RNF217: variants seen among roughly 807,000 people sequenced by gnomAD.
The protein encoded by RNF217 is E3 ubiquitin-protein ligase RNF217.
RNF217 carries 31 observed loss-of-function variants against 57.8 expected under a neutral mutation model. That is an observed-to-expected ratio of 0.54 (90% CI 0.40 to 0.72). The LOEUF (loss-of-function observed/expected upper bound fraction) is 0.72, where lower values mean the gene tolerates loss of function less well. RNF217 is among the 30% of genes least tolerant of loss of function. The pLI, the probability that RNF217 is intolerant of heterozygous loss-of-function variation, is 0.00. For missense variants in RNF217, 696 were observed against 708.3 expected (o/e 0.98, Z 0.20); for synonymous variants, 313 against 294.0 (o/e 1.06, Z -0.66).
At chr6:124,992,475 T>A (rs1048668070) in intron 1 of RNF217, among the ~76,000 whole-genome samples, 1 of 152,204 alleles carries the variant, frequency 6.6e-6, no homozygotes, top group African/African-American at 2.4e-5. Flanking sequence ...ATATTTCTAA[T>A]GCTGTGTAGA....
chr6:125,084,158 A>AT lies in RNF217; in HGVS notation c.*1227dup, dbSNP rs1021865819. ...TAAAAACAAATACTAGTTTTGAAGG[A>AT]TTTTTTCTTACATTTAACTGCTCAA... is the stretch of plus-strand genomic sequence containing the variant. On this transcript the variant is annotated 3_prime_UTR_variant, in exon 6 of 6. Coordinates refer to ENST00000521654, the MANE Select transcript of RNF217 (RefSeq NM_001286398.3). 6.6e-6 allele frequency: 1 copy of AT among 151,832 alleles called. No individual in the cohort carries two copies. Among genetic ancestry groups the AT allele is most frequent in the Non-Finnish European group, 1.5e-5 (1 of 67,896 alleles). The allele number at this position is 151,832 out of a possible 1,614,324, so 9.4% of individuals were successfully genotyped here.
intron 1 of RNF217, among the ~76,000 whole-genome samples, chr6:125,037,077 GA>G (rs537686040): frequency 0.04 from 5,396 of 133,968 alleles, 127 homozygotes; most frequent in South Asian, 0.088. Flanking sequence ...ACAATTTATT[GA>G]AAAAAAAAAA....
intron 3 of RNF217, among the ~76,000 whole-genome samples, chr6:125,064,696 T>C (rs928213548): frequency 3.9e-5 from 6 of 152,122 alleles, no homozygotes; most frequent in Admixed American, 3.3e-4. Flanking sequence ...AATTTGAATG[T>C]TATCAATACC....
chr6:124,962,592 G>T lies in RNF217; in HGVS notation c.48G>T (p.Glu16Asp). 1.0e-5 allele frequency: 13 copies of T among 1,291,264 alleles called. No homozygotes were observed. The highest frequency in any genetic ancestry group is 1.3e-5 in the Non-Finnish European group (13 of 1,025,514). The allele number at this position is 1,291,264 out of a possible 1,614,324, so 80.0% of individuals were successfully genotyped here. The change falls in exon 1 of 6, where the codon GAG (glutamate) becomes GAT (aspartate). Residue 16 changes from glutamate (E) to aspartate (D), a missense_variant. Transcript: ENST00000521654. The surrounding 1 kb of genome is among the most constrained non-coding windows in gnomAD (Gnocchi z 4.6). Reference protein sequence around the residue: ...STVSGGGGPQESQTLASGTAG... With the variant: ...STVSGGGGPQDSQTLASGTAG... ...TGAGCGGCGGCGGCGGGCCCCAGGA[G>T]TCGCAGACCCTGGCCAGTGGCACTG... is the stretch of plus-strand genomic sequence containing the variant.
intron 1 of RNF217, among the ~76,000 whole-genome samples, chr6:125,037,763 G>A (rs917412492): frequency 1.3e-5 from 2 of 152,048 alleles, no homozygotes; most frequent in African/African-American, 4.8e-5. Flanking sequence ...TGTGATTATT[G>A]TTACTGCTTT....
chr6:125,074,301 A>ATAGG (rs1788269945), intron 3 of RNF217, among the ~76,000 whole-genome samples: 1 of 28,328 alleles, frequency 3.5e-5, no homozygotes, highest in African/African-American at 1.0e-4. Flanking sequence ...AGATAGGTAG[A>ATAGG]TAGATAGATA....
chr6:124,975,825 C>A (rs950311594), intron 1 of RNF217, among the ~76,000 whole-genome samples: 2 of 152,114 alleles, frequency 1.3e-5, no homozygotes, highest in Non-Finnish European at 2.9e-5. Context: ...ACAATAGGGG[C>A]AATCCCAAAA....
intron 5 of RNF217, chr6:125,082,304 A>G (rs1285209560): frequency 6.2e-6 from 5 of 802,256 alleles, no homozygotes; most frequent in Non-Finnish European, 1.8e-6. Context: ...TTTTTTTGCT[A>G]AATAAAATGA....
chr6:124,991,724 C>T (rs1162899456), intron 1 of RNF217, among the ~76,000 whole-genome samples: 1 of 152,102 alleles, frequency 6.6e-6, no homozygotes, highest in East Asian at 1.9e-4. Context: ...GATTTTAGAG[C>T]TGGAAGGGAT....
intron 1 of RNF217, among the ~76,000 whole-genome samples, chr6:124,989,607 T>C (rs1562455465): frequency 6.8e-6 from 1 of 146,514 alleles, no homozygotes; most frequent in Non-Finnish European, 1.5e-5. Context: ...ATGGCTATGT[T>C]CCAATAAAGC....
intron 2 of RNF217, among the ~76,000 whole-genome samples, chr6:125,051,171 A>T (rs899415293): frequency 6.6e-6 from 1 of 151,830 alleles, no homozygotes; most frequent in Non-Finnish European, 1.5e-5. Context: ...AATTTATCTG[A>T]TATTTTAGCC....
chr6:125,042,571 A>G (rs1829697665), intron 1 of RNF217, among the ~76,000 whole-genome samples: 1 of 152,118 alleles, frequency 6.6e-6, no homozygotes, highest in African/African-American at 2.4e-5. Flanking sequence ...AGCAAGAGGA[A>G]GTAATATATT....
chr6:125,059,397 T>TC (rs1263158423), intron 3 of RNF217, among the ~76,000 whole-genome samples: 1 of 152,134 alleles, frequency 6.6e-6, no homozygotes, highest in African/African-American at 2.4e-5. Flanking sequence ...AATGAGGCCT[T>TC]CCCCCCTTTC....
intron 3 of RNF217, among the ~76,000 whole-genome samples, chr6:125,068,159 T>TG (rs1365025099): frequency 1.3e-5 from 2 of 152,142 alleles, no homozygotes; most frequent in Non-Finnish European, 2.9e-5. Flanking sequence ...GTACCTGATC[T>TG]GGGCCCCTGT....
chr6:125,019,839 G>A (rs989935904), intron 1 of RNF217, among the ~76,000 whole-genome samples: 8 of 150,266 alleles, frequency 5.3e-5, no homozygotes, highest in African/African-American at 7.3e-5. Flanking sequence ...GCAGTGGGGG[G>A]GGAGTGAAAA....
chr6:125,036,423 A>G (rs1475281922), intron 1 of RNF217, among the ~76,000 whole-genome samples: 1 of 152,168 alleles, frequency 6.6e-6, no homozygotes. Flanking sequence ...ATGATTTATA[A>G]TCCTTTGGGT....
At chr6:125,034,235 A>G (rs1331124306) in intron 1 of RNF217, among the ~76,000 whole-genome samples, 2 of 152,052 alleles carry the variant, frequency 1.3e-5, no homozygotes, top group Non-Finnish European at 2.9e-5. Context: ...TTTTGTTGCC[A>G]TTGCTTTTGG....
intron 1 of RNF217, among the ~76,000 whole-genome samples, chr6:125,026,545 C>T (rs574236137): frequency 2.6e-5 from 4 of 152,238 alleles, no homozygotes; most frequent in Admixed American, 1.3e-4. Flanking sequence ...AGAGCGTAAA[C>T]GTGTCATCAG....
chr6:125,084,531 A>G lies in RNF217; in HGVS notation c.*1594A>G, dbSNP rs903103656. ...TGTCTGATTTGAAATAGATGATATG[A>G]TAAAACATGCATTAACATGAGTAGT... is the stretch of plus-strand genomic sequence containing the variant. On this transcript the variant is annotated 3_prime_UTR_variant, in exon 6 of 6. Coordinates refer to ENST00000521654, the MANE Select transcript of RNF217 (RefSeq NM_001286398.3). 2.6e-5 allele frequency: 4 copies of G among 152,006 alleles called. No homozygotes were observed. The highest frequency in any genetic ancestry group is 9.7e-5 in the African/African-American group (4 of 41,432). The allele number at this position is 152,006 out of a possible 1,614,324, so 9.4% of individuals were successfully genotyped here.
Sources: gnomAD v4.1 joint callset for allele counts (sites outside exome capture counted in the v4.1 genomes callset) on GRCh38, gnomAD v4.1.1 for gene constraint, Gnocchi (gnomAD v3.1) non-coding constraint, MANE v1.5 for transcripts, NCBI Gene and HGNC (gene_info 2026-07-23, HGNC 2026-07-21) for gene names.